The following NUP37 variants were observed in gnomAD, a reference collection of about 807,000 sequenced individuals.
NUP37 encodes the protein nucleoporin 37.
Under a neutral mutation model 45.4 loss-of-function variants are expected in NUP37, and 33 were observed. The observed-to-expected ratio is 0.73, with a 90% CI of 0.55 to 0.97. NUP37 has a LOEUF of 0.97. NUP37 is among the 50% of genes least tolerant of loss of function. The pLI is 0.00. For synonymous variants in NUP37, 127 were observed against 130.7 expected, an observed-to-expected ratio of 0.97 and a Z score of 0.19; for missense variants, 365 against 389.7, an observed-to-expected ratio of 0.94 and a Z score of 0.53.
rs1168340591 is a variant in NUP37, at chr12:102,073,664, T to C, written c.*690A>G. Reference sequence around the variant, plus strand: ...ATATACTCAACAACCACTTCCAGAATACCCTAAGATATTTTTTTCTCCTTG... The same window carrying C: ...ATATACTCAACAACCACTTCCAGAACACCCTAAGATATTTTTTTCTCCTTG... On this transcript the variant is annotated 3_prime_UTR_variant, in exon 10 of 10. Transcript: ENST00000552283. 2.6e-5 allele frequency: 4 copies of C among 152,072 alleles called. No homozygotes were observed. The East Asian group carries it at 5.8e-4, about 22-fold the overall frequency. The allele number at this position is 152,072 out of a possible 1,614,324, so 9.4% of individuals were successfully genotyped here.
At chr12:102,113,512 T>C (rs1358101593) in intron 2 of NUP37, among the ~76,000 whole-genome samples, 2 of 152,118 alleles carry the variant, frequency 1.3e-5, no homozygotes, top group African/African-American at 2.4e-5. Context: ...CTCAGCACCA[T>C]AGGAAAGGTA....
At chr12:102,118,242 TTATC>T (rs774984299) in intron 2 of NUP37, 117 bp downstream of exon 2, 5 of 1,004,314 alleles carry the variant, frequency 5.0e-6, no homozygotes, top group African/African-American at 1.6e-5. Context: ...TCTATGGATC[TTATC>T]TTTTTTTTTT....
chr12:102,084,706 CT>C (rs1879419691), intron 6 of NUP37, among the ~76,000 whole-genome samples: 1 of 144,362 alleles, frequency 6.9e-6, no homozygotes. Flanking sequence ...CAGGCTGTGT[CT>C]CAAAAAAAAA....
At chr12:102,097,737 G>A (rs1199828465) in intron 5 of NUP37, among the ~76,000 whole-genome samples, 1 of 152,054 alleles carries the variant, frequency 6.6e-6, no homozygotes, top group Non-Finnish European at 1.5e-5. Flanking sequence ...GAGCTGAAAT[G>A]CCATTATTTA....
intron 2 of NUP37, among the ~76,000 whole-genome samples, chr12:102,112,615 A>G (rs1274034780): frequency 2.0e-5 from 3 of 152,198 alleles, no homozygotes; most frequent in Non-Finnish European, 2.9e-5. Flanking sequence ...TGGGCAACAC[A>G]GTGAGACCTG....
intron 5 of NUP37, among the ~76,000 whole-genome samples, chr12:102,093,525 C>T (rs574380895): frequency 1.4e-3 from 217 of 152,102 alleles, no homozygotes; most frequent in Admixed American, 1.9e-3. Context: ...TGGTAGTTTT[C>T]AAACAGACCA....
chr12:102,099,238 A>C (rs774988008), intron 4 of NUP37, 38 bp from the exon 5 acceptor site: 2 of 1,411,134 alleles, frequency 1.4e-6, no homozygotes, highest in East Asian at 2.3e-5. Flanking sequence ...GCAAGAAAAC[A>C]GAAAAATAAC....
rs1285699354 is a variant in NUP37 at position 102,075,040 on chromosome 12, C to T, written c.828G>A (p.Met276Ile). 1 of 1,610,770 alleles carries T rather than the reference C, an allele frequency of 6.2e-7. No homozygotes were observed. Among genetic ancestry groups the T allele is most frequent in the South Asian group, 1.1e-5 (1 of 90,622 alleles). ...AATGATGAATTTGAAACTGGCTTGC[C>T]ATTTTGCCAGGATAACCAGTGGTTG... Reference protein sequence around the residue: ...LFATTGYPGKMASQFQIHHLG... With the variant: ...LFATTGYPGKIASQFQIHHLG... Residue 276 changes from methionine (M) to isoleucine (I), a missense_variant, in exon 9 of 10, where the codon ATG becomes ATA. Physicochemically the swap from Met to Ile is conservative, Grantham distance 10 (BLOSUM62 1). Coordinates refer to ENST00000552283, the MANE Select transcript of NUP37 (RefSeq NM_024057.4).
At chr12:102,077,638 A>T (rs1879212153) in intron 6 of NUP37, 135 bp from the exon 7 acceptor site, 2 of 897,994 alleles carry the variant, frequency 2.2e-6, no homozygotes, top group Admixed American at 6.0e-5. Context: ...CTCATCTGAA[A>T]ATCTGCAATG....
intron 6 of NUP37, among the ~76,000 whole-genome samples, chr12:102,081,573 C>T (rs1191062670): frequency 6.6e-6 from 1 of 152,208 alleles, no homozygotes; most frequent in Non-Finnish European, 1.5e-5. Flanking sequence ...TTGGTTTTCT[C>T]ATCTACAAAA....
rs1357223365 is a variant in NUP37, at chr12:102,089,608, G to A, written c.450-3752C>T. On this transcript the variant is annotated intron_variant, in intron 5 of 9. Transcript: ENST00000552283. ...ACTCCTCACCTCCCAGACGAAGGGC[G>A]GCAGGGCAGAGGCGCTCCTCACATC... Among the ~76,000 whole-genome samples, 58 of 145,480 alleles carry A rather than the reference G, an allele frequency of 4.0e-4. 2 individuals carry two copies. Among genetic ancestry groups the A allele is most frequent in the Admixed American group, 2.7e-4 (4 of 14,620 alleles).
At chr12:102,113,719 T>C (rs1220969513) in intron 2 of NUP37, among the ~76,000 whole-genome samples, 1 of 152,094 alleles carries the variant, frequency 6.6e-6, no homozygotes, top group Non-Finnish European at 1.5e-5. Context: ...AGGGAAAAAA[T>C]CCAGCAGGTG....
chr12:102,117,589 G>A (rs1369870772), intron 2 of NUP37, among the ~76,000 whole-genome samples: 1 of 152,108 alleles, frequency 6.6e-6, no homozygotes, highest in African/African-American at 2.4e-5. Flanking sequence ...TCACCACAAA[G>A]CAATCTTACT....
intron 8 of NUP37, among the ~76,000 whole-genome samples, chr12:102,075,958 T>G (rs1879155076): frequency 6.6e-6 from 1 of 152,040 alleles, no homozygotes; most frequent in Non-Finnish European, 1.5e-5. Context: ...CTTGTAACTA[T>G]GAAGCAACAA....
At position 102,076,838 on chromosome 12, in the gene NUP37, T is replaced by C. The variant is rs186470108; in HGVS notation, c.732A>G (p.Gln244=). Residue 244 remains glutamine (Q), a synonymous_variant, in exon 8 of 10, where the codon CAA becomes CAG. Transcript: ENST00000552283. ...IWDITRSSYP[Q]NKRPVHMDRA... is the part of the protein sequence containing the mutation. ...GATCCATGTGAACAGGTCTCTTATT[T>C]TGAGGATAACTAAAAGATAATATTT... The C allele has an allele frequency of 8.2e-5, 132 of 1,612,546 alleles. No homozygotes were observed. The East Asian group carries it at 2.8e-3, about 35-fold the overall frequency.
At chr12:102,118,890 TA>T (rs1880586390) in intron 1 of NUP37, 1 of 179,734 alleles carries the variant, frequency 5.6e-6, no homozygotes, top group Non-Finnish European at 1.2e-5. Flanking sequence ...CAAATGTTAA[TA>T]AAAATTAATA....
In NUP37 at chr12:102,075,021, G is replaced by C; in HGVS notation, c.847C>G (p.His283Asp). ...ATTACCTGAGGGTGTCCTAAATGAT[G>C]AATTTGAAACTGGCTTGCCATTTTG... ...PGKMASQFQIHHLGHPQPILM... is the reference protein window; with the variant it reads ...PGKMASQFQIDHLGHPQPILM... Residue 283 changes from histidine (H) to aspartate (D), a missense_variant, in exon 9 of 10, where the codon CAT (histidine) becomes GAT (aspartate). By Grantham distance (81) the His-to-Asp change is moderately conservative. Coordinates refer to ENST00000552283, the MANE Select transcript of NUP37 (RefSeq NM_024057.4). The C allele has an allele frequency of 6.2e-7, 1 of 1,608,724 alleles. No individual in the cohort carries two copies. The highest frequency in any genetic ancestry group is 8.5e-7 in the Non-Finnish European group (1 of 1,176,988).
In NUP37 at chr12:102,117,447, A is replaced by AT. The variant is rs576377537; in HGVS notation, c.156+915_156+916insA. On this transcript the variant is annotated intron_variant, in intron 2 of 9. Coordinates refer to ENST00000552283, the MANE Select transcript of NUP37 (RefSeq NM_024057.4). ...ACCAAGCAAAACTCTGTCTGAAAAA[A>AT]AAAAATAAAAATAATAATAATACTC... Among the ~76,000 whole-genome samples, 920 of 152,000 alleles carry AT rather than the reference A, an allele frequency of 6.1e-3. 11 individuals carry two copies. Among genetic ancestry groups the AT allele is most frequent in the African/African-American group, 0.02 (844 of 41,422 alleles).
intron 2 of NUP37, among the ~76,000 whole-genome samples, chr12:102,114,156 G>A (rs1565837689): frequency 6.6e-6 from 1 of 152,220 alleles, no homozygotes; most frequent in Non-Finnish European, 1.5e-5. Context: ...AAGTTTAGGA[G>A]CCTAATCATA....
Sources: gnomAD v4.1 joint callset for allele counts (sites outside exome capture counted in the v4.1 genomes callset) on GRCh38, gnomAD v4.1.1 for gene constraint, MANE v1.5 for transcripts, NCBI Gene and HGNC (gene_info 2026-07-23, HGNC 2026-07-21) for gene names.